Variants in DENND6A observed in about 807,000 individuals in gnomAD.
DENND6A encodes the protein DENN domain containing 6A, also known as protein DENND6A.
In DENND6A, 43 loss-of-function variants were observed where a neutral mutation model predicts 95.5. The ratio of observed to expected loss-of-function variants is 0.45; its 90% confidence interval spans 0.35 to 0.58. The LOEUF is 0.58. Among genes scored for constraint, DENND6A ranks in the 20% least tolerant of loss-of-function variants. The pLI is 0.00. For synonymous variants in DENND6A, 257 were observed against 260.4 expected, an observed-to-expected ratio of 0.99 and a Z score of 0.13; for missense variants, 574 against 736.0, an observed-to-expected ratio of 0.78 and a Z score of 2.55.
At chr3:57,688,003 G>GT (rs35483457) in intron 1 of DENND6A, among the ~76,000 whole-genome samples, 27,364 of 143,950 alleles carry the variant, frequency 0.19, 3,240 homozygotes, top group East Asian at 0.48. Context: ...TTTTGGGTTT[G>GT]TTTTTTTTTT....
intron 1 of DENND6A, chr3:57,679,656 A>C (rs2077143456): frequency 1.4e-6 from 1 of 720,814 alleles, no homozygotes; most frequent in Admixed American, 6.3e-5. Flanking sequence ...TTCTGCTTCC[A>C]TAACATGAGG....
chr3:57,630,409 C>T lies in DENND6A; in HGVS notation c.1620+12G>A, dbSNP rs186247755. Reference sequence around the variant, plus strand: ...AGTTGTTAATCATTACACAAACACACAGTTTTCGAACCTCTTCACAAAGAG... The same window carrying T: ...AGTTGTTAATCATTACACAAACACATAGTTTTCGAACCTCTTCACAAAGAG... On this transcript the variant is annotated intron_variant, in intron 18 of 19. Transcript: ENST00000311128. The T allele has an allele frequency of 2.5e-6, 4 of 1,570,232 alleles. No homozygotes were observed. Among genetic ancestry groups the T allele is most frequent in the Admixed American group, 2.2e-5 (1 of 45,312 alleles).
intron 5 of DENND6A, 60 bp downstream of exon 5, chr3:57,663,576 T>C: frequency 8.0e-7 from 1 of 1,251,604 alleles, no homozygotes. Context: ...ATCTAACACT[T>C]TCTATTTTTC....
At position 57,693,029 on chromosome 3, in the gene DENND6A, C is replaced by A; in HGVS notation, c.-11G>T. ...GCCCCTCAAAGCCATCGGCCGCCCC[C>A]TGACCGTTCGCGCCGCCTCCACAGC... On this transcript the variant is annotated 5_prime_UTR_variant, in exon 1 of 20. The change creates a new upstream start codon in the 5' untranslated region. Coordinates refer to ENST00000311128, the MANE Select transcript of DENND6A (RefSeq NM_152678.3). 7.1e-7 allele frequency: 1 copy of A among 1,405,376 alleles called. No individual in the cohort carries two copies. Among genetic ancestry groups the A allele is most frequent in the South Asian group, 1.5e-5 (1 of 65,152 alleles). 87.1% of individuals were successfully genotyped at this position (1,405,376 alleles called of 1,614,324 possible). A position where few individuals can be genotyped will look rare whatever the true frequency, so the allele number is the denominator to read the frequency against.
intron 1 of DENND6A, among the ~76,000 whole-genome samples, chr3:57,691,669 C>CAAAAAAAAAAAAA (rs71091304): frequency 4.3e-5 from 4 of 93,590 alleles, no homozygotes; most frequent in African/African-American, 8.9e-5. Context: ...TCACCAATAC[C>CAAAAAAAAAAAAA]AAAAAAAAAA....
chr3:57,684,936 T>G (rs2077198945), intron 1 of DENND6A, among the ~76,000 whole-genome samples: 1 of 151,066 alleles, frequency 6.6e-6, no homozygotes, highest in South Asian at 2.1e-4. Flanking sequence ...ATAAAACAAT[T>G]TAATCAGGCA....
In DENND6A at chr3:57,633,353, C is replaced by G. The variant is rs1304017901; in HGVS notation, c.1265G>C (p.Gly422Ala). ...CTCAGAAGGACGTTTCTGTTGTACA[C>G]CCTTAAAAGAGGAAATAATGAGAAT... ...DEEIIKQLQK[G>A]VQQKRPSEAQ... The change falls in exon 15 of 20, where the codon GGT (glycine) becomes GCT (alanine). Residue 422 changes from glycine (G) to alanine (A), a missense_variant and splice_region_variant. By Grantham distance (60) the Gly-to-Ala change is moderately conservative. Around this residue, in one of 2 missense-constraint regions of DENND6A, gnomAD observed 452 missense variants for 630.9 expected, o/e 0.72. Coordinates refer to ENST00000311128, the MANE Select transcript of DENND6A (RefSeq NM_152678.3). 1.2e-6 allele frequency: 2 copies of G among 1,609,818 alleles called. No individual in the cohort carries two copies. The highest frequency in any genetic ancestry group is 1.3e-5 in the African/African-American group (1 of 74,678).
At chr3:57,679,743 G>A (rs900422417) in intron 1 of DENND6A, among the ~76,000 whole-genome samples, 1 of 152,198 alleles carries the variant, frequency 6.6e-6, no homozygotes, top group Non-Finnish European at 1.5e-5. Flanking sequence ...AGTAAGGAGA[G>A]AGAAGACTAT....
intron 11 of DENND6A, among the ~76,000 whole-genome samples, chr3:57,643,091 T>C (rs1471490609): frequency 3.3e-5 from 5 of 150,486 alleles, no homozygotes; most frequent in African/African-American, 1.2e-4. Context: ...GAAAAGCAAA[T>C]TTGGATATGC....
chr3:57,641,723 G>C lies in DENND6A; in HGVS notation c.1062C>G (p.Thr354=), dbSNP rs1392440128. Residue 354 remains threonine, a synonymous_variant, in exon 12 of 20, where the codon ACC becomes ACG. Coordinates refer to ENST00000311128, the MANE Select transcript of DENND6A (RefSeq NM_152678.3). ...GGAGTGTCTTAGCAAAAAAAGGGTT[G>C]GTTACTCCTAATATAACTGAGGGCC... is the stretch of plus-strand genomic sequence containing the variant. ...QAPPSVILGV[T]NPFFAKTLQH... is the part of the protein sequence containing the mutation. The C allele has an allele frequency of 1.2e-6, 2 of 1,612,776 alleles. No individual in the cohort carries two copies. Among genetic ancestry groups the C allele is most frequent in the African/African-American group, 2.7e-5 (2 of 74,734 alleles).
intron 1 of DENND6A, among the ~76,000 whole-genome samples, chr3:57,680,450 G>C (rs1484223048): frequency 6.6e-6 from 1 of 152,198 alleles, no homozygotes; most frequent in Non-Finnish European, 1.5e-5. Context: ...CCGAGAGCTA[G>C]CTCTCCACCA....
intron 7 of DENND6A, 56 bp downstream of exon 7, chr3:57,660,704 T>C: frequency 6.7e-7 from 1 of 1,490,380 alleles, no homozygotes; most frequent in Non-Finnish European, 9.1e-7. Flanking sequence ...CAAGACCCTG[T>C]CTCAAAAAAA....
chr3:57,645,318 G>A (rs997425036), intron 11 of DENND6A, among the ~76,000 whole-genome samples: 1 of 151,900 alleles, frequency 6.6e-6, no homozygotes, highest in African/African-American at 2.4e-5. Context: ...AAAATTAGCC[G>A]GGCGTGGTGG....
At chr3:57,685,380 T>C (rs934589947) in intron 1 of DENND6A, among the ~76,000 whole-genome samples, 3 of 152,230 alleles carry the variant, frequency 2.0e-5, no homozygotes, top group Non-Finnish European at 2.9e-5. Flanking sequence ...AGGTTGAGTA[T>C]TCCTTATCCA....
intron 3 of DENND6A, among the ~76,000 whole-genome samples, chr3:57,666,766 C>G (rs1195245427): frequency 1.3e-5 from 2 of 152,170 alleles, no homozygotes; most frequent in Non-Finnish European, 2.9e-5. Flanking sequence ...TCAAGGAGTA[C>G]TATTAGATAA....
At chr3:57,689,000 G>C (rs537329399) in intron 1 of DENND6A, among the ~76,000 whole-genome samples, 2 of 151,676 alleles carry the variant, frequency 1.3e-5, no homozygotes, top group Non-Finnish European at 2.9e-5. Flanking sequence ...TTGCTGTGTC[G>C]CCAGGCTGGA....
intron 1 of DENND6A, among the ~76,000 whole-genome samples, chr3:57,684,403 C>A (rs1280237872): frequency 6.6e-6 from 1 of 152,000 alleles, no homozygotes; most frequent in Non-Finnish European, 1.5e-5. Flanking sequence ...TCAGAGGTTG[C>A]GGTGAGCTGA....
intron 9 of DENND6A, among the ~76,000 whole-genome samples, chr3:57,649,530 TAA>T (rs11373872): frequency 7.2e-6 from 1 of 139,170 alleles, no homozygotes; most frequent in Non-Finnish European, 1.5e-5. Flanking sequence ...AAGGAAGTCA[TAA>T]AAAAAAAAAA....
chr3:57,684,502 A>C (rs999051992), intron 1 of DENND6A, among the ~76,000 whole-genome samples: 5 of 151,774 alleles, frequency 3.3e-5, no homozygotes, highest in African/African-American at 1.2e-4. Context: ...GCTCATGCCT[A>C]TAATCCCAGC....
Sources: gnomAD v4.1 joint callset for allele counts (sites outside exome capture counted in the v4.1 genomes callset) on GRCh38, gnomAD v4.1.1 for gene constraint, gnomAD v4.1.1 regional missense constraint, MANE v1.5 for transcripts, NCBI Gene and HGNC (gene_info 2026-07-23, HGNC 2026-07-21) for gene names.